Variants in EML4 observed in about 807,000 individuals in gnomAD.
EML4 encodes the protein EMAP like 4, also known as echinoderm microtubule-associated protein-like 4.
EML4 carries 72 observed loss-of-function variants against 129.0 expected under a neutral mutation model. The observed-to-expected ratio is 0.56, with a 90% confidence interval of 0.46 to 0.68. EML4 has a LOEUF of 0.68. Among genes scored for constraint, EML4 ranks in the 30% least tolerant of loss-of-function variants. The pLI is 0.00. For missense variants in EML4, 1,363 were observed against 1,190.6 expected, an observed-to-expected ratio of 1.14 and a Z score of -2.13; for synonymous variants, 532 against 405.0, an observed-to-expected ratio of 1.31 and a Z score of -3.77.
At chr2:42,297,812 TA>T (rs1668046012) in intron 13 of EML4, among the ~76,000 whole-genome samples, 1 of 152,220 alleles carries the variant, frequency 6.6e-6, no homozygotes, top group African/African-American at 2.4e-5. Flanking sequence ...GGCAGAAGTA[TA>T]ATTTCACAAC....
chr2:42,278,340 AG>A (rs1156817827), intron 6 of EML4, among the ~76,000 whole-genome samples: 1 of 152,134 alleles, frequency 6.6e-6, no homozygotes, highest in Non-Finnish European at 1.5e-5. Context: ...TGGGAGGCTG[AG>A]GGGGCGCGGA....
chr2:42,330,158 C>A lies in EML4; in HGVS notation c.2897C>A (p.Ala966Asp), dbSNP rs763280130. 1.2e-6 allele frequency: 2 copies of A among 1,611,946 alleles called. No homozygotes were observed. Among genetic ancestry groups the A allele is most frequent in the Non-Finnish European group, 1.7e-6 (2 of 1,179,674 alleles). Residue 966 changes from alanine (A) to aspartate (D), a missense_variant, in exon 23 of 23, where the codon GCC becomes GAC. By Grantham distance (126) the Ala-to-Asp change is moderately radical (BLOSUM62 -2). Transcript: ENST00000318522. ...TGCAACGAGATAAGCAAGGAGCAGG[C>A]CAAAGCCACCCTTCTGGAGGACCAG... ...EPCNEISKEQ[A>D]KATLLEDQQD...
At chr2:42,259,224 A>C (rs772660338) in intron 3 of EML4, among the ~76,000 whole-genome samples, 1 of 150,922 alleles carries the variant, frequency 6.6e-6, no homozygotes, top group African/African-American at 2.4e-5. Context: ...TCCAGCCTAG[A>C]TGACAGAGCA....
intron 11 of EML4, among the ~76,000 whole-genome samples, chr2:42,293,456 G>A (rs925582821): frequency 6.6e-6 from 1 of 151,994 alleles, no homozygotes; most frequent in African/African-American, 2.4e-5. Flanking sequence ...AGGCCCTTAA[G>A]CCCAAATGTT....
chr2:42,277,459 A>T (rs553288060), intron 6 of EML4, among the ~76,000 whole-genome samples: 50 of 152,326 alleles, frequency 3.3e-4, no homozygotes, highest in African/African-American at 1.1e-3. Flanking sequence ...TGTGATGTTG[A>T]AACCATAGTG....
At chr2:42,256,665 G>C in intron 3 of EML4, 35 bp downstream of exon 3, 1 of 1,610,872 alleles carries the variant, frequency 6.2e-7, no homozygotes, top group East Asian at 2.2e-5. Context: ...AACTAACATT[G>C]CAGAATTGTC....
chr2:42,169,385 C>T lies in EML4; in HGVS notation c.-227C>T, dbSNP rs1297276358. The T allele has an allele frequency of 1.6e-5, 5 of 310,522 alleles. No individual in the cohort carries two copies. Among genetic ancestry groups the T allele is most frequent in the East Asian group, 9.6e-5 (2 of 20,890 alleles). 19.2% of individuals were successfully genotyped at this position (310,522 alleles called of 1,614,324 possible). On this transcript the variant is annotated 5_prime_UTR_variant, in exon 1 of 23. Transcript: ENST00000318522. ...TCGCGGCTGCTGCCTGGGAGGGAGG[C>T]CGGGCAGGCGGCTGAGCGGCGCGGC...
intron 1 of EML4, among the ~76,000 whole-genome samples, chr2:42,171,081 A>G (rs1014916494): frequency 1.3e-5 from 2 of 152,196 alleles, no homozygotes; most frequent in South Asian, 2.1e-4. Context: ...CCTGTTGTCC[A>G]TTATCTAACC....
chr2:42,242,261 A>C (rs1675086563), intron 1 of EML4, among the ~76,000 whole-genome samples: 1 of 152,204 alleles, frequency 6.6e-6, no homozygotes, highest in East Asian at 1.9e-4. Flanking sequence ...TAATATAAAG[A>C]TATAGCTCAT....
intron 21 of EML4, 103 bp downstream of exon 21, chr2:42,326,355 A>C: frequency 1.3e-6 from 1 of 752,954 alleles, no homozygotes. Context: ...TGTATTCTTT[A>C]GCTTTATCAC....
At chr2:42,261,452 A>G (rs1665730421) in intron 4 of EML4, 158 bp downstream of exon 4, 1 of 437,748 alleles carries the variant, frequency 2.3e-6, no homozygotes, top group East Asian at 3.5e-5. Context: ...TTTATAGCCC[A>G]TTGGGGAATA....
chr2:42,308,863 T>C (rs1015826685), intron 17 of EML4, among the ~76,000 whole-genome samples: 1 of 152,204 alleles, frequency 6.6e-6, no homozygotes, highest in Non-Finnish European at 1.5e-5. Context: ...GTGATGAGCT[T>C]CTTTCACTTA....
intron 19 of EML4, among the ~76,000 whole-genome samples, chr2:42,322,691 A>G (rs921723664): frequency 2.0e-5 from 3 of 152,200 alleles, no homozygotes; most frequent in African/African-American, 7.2e-5. Context: ...AAGGAGATAT[A>G]CTAGAATTTG....
intron 11 of EML4, among the ~76,000 whole-genome samples, chr2:42,291,539 G>T (rs938471726): frequency 5.3e-5 from 8 of 151,848 alleles, no homozygotes; most frequent in Non-Finnish European, 1.2e-4. Flanking sequence ...GAGTAGTTGG[G>T]ATTACAGGCG....
chr2:42,169,584 G>C lies in EML4; in HGVS notation c.-28G>C. 6.3e-7 allele frequency: 1 copy of C among 1,597,754 alleles called. No homozygotes were observed. Among genetic ancestry groups the C allele is most frequent in the Non-Finnish European group, 8.5e-7 (1 of 1,174,256 alleles). On this transcript the variant is annotated 5_prime_UTR_variant, in exon 1 of 23. Coordinates refer to ENST00000318522, the MANE Select transcript of EML4 (RefSeq NM_019063.5). ...CTGAATGAAGTGCCCGCCCCTCTAA[G>C]CCCGGAGCCCGGCGCTTTCCCCGCA...
chr2:42,286,660 G>A (rs928714707), intron 10 of EML4, among the ~76,000 whole-genome samples: 2 of 152,180 alleles, frequency 1.3e-5, no homozygotes, highest in African/African-American at 2.4e-5. Flanking sequence ...AGTGGTTAGA[G>A]GAATATATAC....
At chr2:42,230,200 T>C (rs909865226) in intron 1 of EML4, among the ~76,000 whole-genome samples, 2 of 152,150 alleles carry the variant, frequency 1.3e-5, no homozygotes, top group Non-Finnish European at 2.9e-5. Context: ...AATCAACCAC[T>C]GTTTGGAGAG....
At chr2:42,218,035 C>T (rs1572563639) in intron 1 of EML4, among the ~76,000 whole-genome samples, 1 of 152,214 alleles carries the variant, frequency 6.6e-6, no homozygotes, top group African/African-American at 2.4e-5. Flanking sequence ...CCCCAACCCT[C>T]CGGGCCACAG....
rs375805090 is a variant in EML4 at position 42,303,364 on chromosome 2, T to G, written c.1817T>G (p.Leu606Trp). ...CTTGCCACACATCCCTTCAAAGATTTGCTCTTGACATGTGCTCAGGACAGG... is the reference window on the plus strand; with the variant it reads ...CTTGCCACACATCCCTTCAAAGATTGGCTCTTGACATGTGCTCAGGACAGG... ...WGLATHPFKD[L>W]LLTCAQDRQV... is the part of the protein sequence containing the mutation. The change falls in exon 16 of 23, where the codon TTG (leucine) becomes TGG (tryptophan). Residue 606 changes from leucine to tryptophan, a missense_variant. Leu to Trp is a moderately conservative substitution (Grantham distance 61). Transcript: ENST00000318522. 4.3e-6 allele frequency: 7 copies of G among 1,614,058 alleles called. No homozygotes were observed. Among genetic ancestry groups the G allele is most frequent in the Non-Finnish European group, 5.9e-6 (7 of 1,180,028 alleles).
Sources: allele counts gnomAD v4.1 joint callset (sites outside exome capture counted in the v4.1 genomes callset), GRCh38; gene constraint gnomAD v4.1.1; transcripts MANE v1.5; gene names NCBI Gene and HGNC (gene_info 2026-07-23, HGNC 2026-07-21).